Variants in C1orf21 observed in about 807,000 individuals in gnomAD.
C1orf21 encodes chromosome 1 open reading frame 21, also known as uncharacterized protein C1orf21.
C1orf21 carries 3 observed loss-of-function variants against 18.7 expected under a neutral mutation model. The observed-to-expected ratio is 0.16, with a 90% CI of 0.07 to 0.42. The LOEUF (loss-of-function observed/expected upper bound fraction) is 0.42, where lower values mean the gene tolerates loss of function less well. Among genes scored for constraint, C1orf21 ranks in the 10% least tolerant of loss-of-function variants. C1orf21 has a pLI of 0.99. For missense variants in C1orf21, 104 were observed against 143.6 expected (o/e 0.72, Z 1.41); for synonymous variants, 41 against 46.4 (o/e 0.88, Z 0.47).
intron 3 of C1orf21, among the ~76,000 whole-genome samples, chr1:184,576,404 C>T (rs1034620250): frequency 1.1e-4 from 17 of 152,212 alleles, no homozygotes; most frequent in African/African-American, 4.1e-4. Flanking sequence ...GGATTACAGG[C>T]GTGAGCCACC....
At position 184,397,383 on chromosome 1, in the gene C1orf21, A is replaced by G. The variant is rs184025049; in HGVS notation, c.-125+10015A>G. Among the ~76,000 whole-genome samples the G allele has an allele frequency of 3.9e-3, 594 of 152,186 alleles. 1 individual carries two copies. Among genetic ancestry groups the G allele is most frequent in the Middle Eastern group, 6.8e-3 (2 of 294 alleles). On this transcript the variant is annotated intron_variant, in intron 1 of 5. Coordinates refer to ENST00000235307, the MANE Select transcript of C1orf21 (RefSeq NM_030806.4). ...GGGCAGGTCACAAGGTCAGGAGATC[A>G]AGACCATCCTGGCTAACACGGTGAA...
At chr1:184,600,148 A>G (rs1222707018) in intron 5 of C1orf21, among the ~76,000 whole-genome samples, 3 of 152,052 alleles carry the variant, frequency 2.0e-5, no homozygotes, top group Non-Finnish European at 4.4e-5. Flanking sequence ...AAAATGATAT[A>G]ATCTATATCC....
intron 3 of C1orf21, chr1:184,567,569 G>C: frequency 2.0e-6 from 1 of 487,832 alleles, no homozygotes; most frequent in Admixed American, 2.1e-5. Context: ...CCTCCCTCTG[G>C]ATCAGCTACA....
chr1:184,460,616 C>T lies in C1orf21; in HGVS notation c.-124-16770C>T, dbSNP rs1449698037. ...GGAGTTGGGCTGTTAGTATTGTCGT[C>T]GTCGTCTTCTTCTTCTTCTTCTTCT... On this transcript the variant is annotated intron_variant, in intron 1 of 5. Coordinates refer to ENST00000235307, the MANE Select transcript of C1orf21 (RefSeq NM_030806.4). Among the ~76,000 whole-genome samples the T allele has an allele frequency of 5.5e-5, 6 of 109,138 alleles. No homozygotes were observed. In the East Asian group the frequency reaches 8.7e-4, roughly 16 times the overall value. 71.6% of individuals were successfully genotyped at this position (109,138 alleles called of 152,430 possible).
At chr1:184,548,278 A>G (rs980087478) in intron 3 of C1orf21, among the ~76,000 whole-genome samples, 4 of 150,464 alleles carry the variant, frequency 2.7e-5, no homozygotes, top group Admixed American at 6.6e-5. Context: ...CTCACACTGT[A>G]GTTAGGGAGC....
chr1:184,592,163 T>A (rs1251331432), intron 4 of C1orf21: 1 of 152,218 alleles, frequency 6.6e-6, no homozygotes, highest in African/African-American at 2.4e-5. Flanking sequence ...ATTACATGAA[T>A]GTTCAATTGT....
chr1:184,551,935 C>A (rs1658818498), intron 3 of C1orf21, among the ~76,000 whole-genome samples: 1 of 126,298 alleles, frequency 7.9e-6, no homozygotes, highest in Admixed American at 8.1e-5. Context: ...CAGAAAGAGA[C>A]CCTGTCTTAA....
At chr1:184,442,458 G>T (rs1371734158) in intron 1 of C1orf21, among the ~76,000 whole-genome samples, 1 of 152,168 alleles carries the variant, frequency 6.6e-6, no homozygotes, top group Admixed American at 6.5e-5. Flanking sequence ...AAAATGTCCA[G>T]CTCTAATTGA....
intron 3 of C1orf21, among the ~76,000 whole-genome samples, chr1:184,563,850 G>C (rs1167743650): frequency 6.6e-6 from 1 of 152,230 alleles, no homozygotes; most frequent in African/African-American, 2.4e-5. Context: ...AAGGTGGACA[G>C]AGAATATTTA....
intron 1 of C1orf21, among the ~76,000 whole-genome samples, chr1:184,422,008 T>G (rs1656553746): frequency 6.6e-6 from 1 of 152,238 alleles, no homozygotes; most frequent in Non-Finnish European, 1.5e-5. Context: ...AAATGCCAAC[T>G]GTATATCCAA....
chr1:184,388,275 G>A (rs962978268), intron 1 of C1orf21, among the ~76,000 whole-genome samples: 4 of 152,132 alleles, frequency 2.6e-5, no homozygotes, highest in African/African-American at 9.7e-5. Flanking sequence ...ATTTGGGGTG[G>A]TCCTCTTTGC....
At chr1:184,518,223 T>C (rs1658258412) in intron 3 of C1orf21, among the ~76,000 whole-genome samples, 2 of 152,336 alleles carry the variant, frequency 1.3e-5, no homozygotes, top group African/African-American at 4.8e-5. Context: ...ATTTATTAAA[T>C]CAGTCTTCCA....
intron 3 of C1orf21, chr1:184,566,545 G>T: frequency 2.8e-6 from 1 of 362,954 alleles, no homozygotes; most frequent in Non-Finnish European, 5.4e-6. Flanking sequence ...CTAACACACA[G>T]CCTCAGGTGC....
rs145419727 is a variant in C1orf21, at chr1:184,477,635, T to C, written c.94+32T>C. 1.7e-5 allele frequency: 27 copies of C among 1,570,116 alleles called. 1 individual carries two copies. The East Asian group carries it at 3.1e-4, about 18-fold the overall frequency. Reference sequence around the variant, plus strand: ...CCTATCAAACTTGACTCTTGACCCATTGATTCTAGGCCTTTCACTTTTTTT... The same window carrying C: ...CCTATCAAACTTGACTCTTGACCCACTGATTCTAGGCCTTTCACTTTTTTT... On this transcript the variant is annotated intron_variant, in intron 2 of 5. Coordinates refer to ENST00000235307, the MANE Select transcript of C1orf21 (RefSeq NM_030806.4).
At chr1:184,407,096 C>T (rs1656260252) in intron 1 of C1orf21, among the ~76,000 whole-genome samples, 1 of 152,126 alleles carries the variant, frequency 6.6e-6, no homozygotes, top group Admixed American at 6.5e-5. Flanking sequence ...TTGCTTTAGC[C>T]TCTCCAGTAG....
intron 3 of C1orf21, among the ~76,000 whole-genome samples, chr1:184,534,217 G>A (rs1658512793): frequency 1.3e-5 from 2 of 152,076 alleles, no homozygotes; most frequent in Admixed American, 1.3e-4. Context: ...CGGTACTGTG[G>A]GTATTTTCAT....
In C1orf21 at chr1:184,387,846, C is replaced by G. The variant is rs1179901376; in HGVS notation, c.-125+478C>G. 6.6e-6 allele frequency among the ~76,000 whole-genome samples: 1 copy of G among 152,242 alleles called. No homozygotes were observed. The highest frequency in any genetic ancestry group is 1.5e-5 in the Non-Finnish European group (1 of 68,044). The stretch of plus-strand genomic sequence containing the variant: ...TTTGCTAAGTATCCAAGTCCCTTCT[C>G]TCGCTCCGACTGATTGATGTGTTTG... On this transcript the variant is annotated intron_variant, in intron 1 of 5. Transcript: ENST00000235307. This position sits in a 1 kb window ranked among gnomAD's most constrained non-coding sequence, Gnocchi z 5.6.
rs188340384 is a variant in C1orf21, at chr1:184,473,518, C to T, written c.-124-3868C>T. Among the ~76,000 whole-genome samples the T allele has an allele frequency of 5.3e-5, 8 of 152,054 alleles. No individual in the cohort carries two copies. The East Asian group carries it at 7.7e-4, about 15-fold the overall frequency. On this transcript the variant is annotated intron_variant, in intron 1 of 5. Transcript: ENST00000235307. Reference sequence around the variant, plus strand: ...GAAGGATAGCATAAACTGAAGGGAACGTCTTTTGAGCAGATGATTCTAGCG... The same window carrying T: ...GAAGGATAGCATAAACTGAAGGGAATGTCTTTTGAGCAGATGATTCTAGCG...
At chr1:184,511,645 A>G (rs1658147772) in intron 3 of C1orf21, among the ~76,000 whole-genome samples, 1 of 152,230 alleles carries the variant, frequency 6.6e-6, no homozygotes, top group Admixed American at 6.5e-5. Flanking sequence ...TGCTTGATAT[A>G]TTAGTCCGTT....
Sources: allele counts gnomAD v4.1 joint callset (sites outside exome capture counted in the v4.1 genomes callset), GRCh38; gene constraint gnomAD v4.1.1; non-coding constraint Gnocchi (gnomAD v3.1); transcripts MANE v1.5; gene names NCBI Gene and HGNC (gene_info 2026-07-23, HGNC 2026-07-21).